The following ABCA13 variants were observed in gnomAD, a reference collection of about 807,000 sequenced individuals.
ABCA13 encodes the protein ATP-binding cassette sub-family A member 13.
ABCA13 carries 476 observed loss-of-function variants against 478.7 expected under a neutral mutation model. That is an observed-to-expected ratio of 0.99 (90% CI 0.92 to 1.07). The LOEUF is 1.07. ABCA13 is among the 50% of genes least tolerant of loss of function. ABCA13 has a pLI of 0.00. For missense variants in ABCA13, 6,060 were observed against 5,910.6 expected (o/e 1.03, Z -0.83); for synonymous variants, 2,252 against 2,158.9 (o/e 1.04, Z -1.20).
At chr7:48,465,528 T>C (rs557973577) in intron 43 of ABCA13, among the ~76,000 whole-genome samples, 67 of 151,596 alleles carry the variant, frequency 4.4e-4, no homozygotes, top group African/African-American at 1.4e-3. Flanking sequence ...TTCTTTCTTT[T>C]TTTTTTTTTT....
chr7:48,201,225 G>C (rs751938460), intron 3 of ABCA13, among the ~76,000 whole-genome samples: 1 of 152,254 alleles, frequency 6.6e-6, no homozygotes, highest in Non-Finnish European at 1.5e-5. Flanking sequence ...GCAAAGGCGT[G>C]TCTAAACTAC....
At chr7:48,485,627 T>C (rs999468560) in intron 47 of ABCA13, among the ~76,000 whole-genome samples, 11 of 152,194 alleles carry the variant, frequency 7.2e-5, no homozygotes, top group African/African-American at 2.7e-4. Context: ...CATTTTAAAA[T>C]CTGTTCCTTG....
intron 43 of ABCA13, among the ~76,000 whole-genome samples, chr7:48,463,645 C>T (rs1826517704): frequency 1.3e-5 from 2 of 152,058 alleles, no homozygotes; most frequent in African/African-American, 4.8e-5. Flanking sequence ...CCCATAGAGC[C>T]CAAGACCTCA....
chr7:48,578,737 T>C (rs867705197), intron 55 of ABCA13, among the ~76,000 whole-genome samples: 2 of 152,184 alleles, frequency 1.3e-5, no homozygotes, highest in African/African-American at 4.8e-5. Context: ...AGATCCATGA[T>C]AGGCAACACA....
intron 44 of ABCA13, among the ~76,000 whole-genome samples, chr7:48,469,333 A>G (rs1327995309): frequency 6.6e-6 from 1 of 152,140 alleles, no homozygotes; most frequent in Non-Finnish European, 1.5e-5. Flanking sequence ...GGGGCCTGTA[A>G]AGAGGAAAGT....
chr7:48,438,471 A>T (rs762282546), intron 42 of ABCA13, among the ~76,000 whole-genome samples: 1 of 151,848 alleles, frequency 6.6e-6, no homozygotes, highest in African/African-American at 2.4e-5. Context: ...ATGTCACTCT[A>T]TCCTCTTAAT....
chr7:48,272,627 C>T lies in ABCA13; in HGVS notation c.2961C>T (p.Phe987=). Residue 987 remains phenylalanine, a synonymous_variant, in exon 17 of 62, where the codon TTC becomes TTT. Transcript: ENST00000435803. The part of the protein sequence containing the change: ...NIQSRGSSLT[F]LTQISKHILD... The stretch of plus-strand genomic sequence containing the variant: ...AGAGTAGAGGCTCTTCGTTGACTTT[C>T]CTTACACAAATCTCAAAACACATTT... 1.2e-6 allele frequency: 2 copies of T among 1,613,052 alleles called. No homozygotes were observed. Among genetic ancestry groups the T allele is most frequent in the East Asian group, 4.5e-5 (2 of 44,854 alleles).
At chr7:48,342,731 C>A (rs939514733) in intron 29 of ABCA13, among the ~76,000 whole-genome samples, 3 of 152,108 alleles carry the variant, frequency 2.0e-5, no homozygotes, top group African/African-American at 7.2e-5. Flanking sequence ...TCACAGTGTT[C>A]AATGCTTCTT....
In ABCA13 at chr7:48,245,945, G is replaced by T; in HGVS notation, c.1574G>T (p.Trp525Leu). The change falls in exon 13 of 62, where the codon TGG (tryptophan) becomes TTG (leucine). Residue 525 changes from tryptophan to leucine, a missense_variant. Physicochemically the swap from Trp to Leu is moderately conservative, Grantham distance 61 (BLOSUM62 -2). Around this residue, in one of 3 missense-constraint regions of ABCA13, gnomAD observed 4,423 missense variants for 4,309.1 expected, o/e 1.03. Transcript: ENST00000435803. ...VFLPPGNSSI[W>L]GGLQGLLCYC... The stretch of plus-strand genomic sequence containing the variant: ...TTGCCGCCTGGAAACTCCAGCATAT[G>T]GGGTGGTCTCCAGGGACTGTTGTGC... 1.2e-6 allele frequency: 2 copies of T among 1,613,840 alleles called. No individual in the cohort carries two copies. Among genetic ancestry groups the T allele is most frequent in the Non-Finnish European group, 8.5e-7 (1 of 1,179,824 alleles).
chr7:48,273,145 C>G lies in ABCA13; in HGVS notation c.3479C>G (p.Thr1160Ser). The change falls in exon 17 of 62, where the codon ACC (threonine) becomes AGC (serine). Residue 1160 changes from threonine (T) to serine (S), a missense_variant. This residue lies in a region of ABCA13 where 4,423 missense variants were observed against 4,309.1 expected (regional missense o/e 1.03). Transcript: ENST00000435803. ...CAAATGTGGACTGAAATCTGGGAAA[C>G]CATATCTCAATTATTTAAGTTTGAC... The part of the protein sequence containing the change: ...WLQMWTEIWE[T>S]ISQLFKFDMN... 6.2e-7 allele frequency: 1 copy of G among 1,613,676 alleles called. No homozygotes were observed. Among genetic ancestry groups the G allele is most frequent in the Admixed American group, 1.7e-5 (1 of 59,980 alleles).
At chr7:48,324,341 C>T (rs559407693) in intron 27 of ABCA13, among the ~76,000 whole-genome samples, 2 of 152,226 alleles carry the variant, frequency 1.3e-5, no homozygotes, top group Non-Finnish European at 2.9e-5. Context: ...GGATTAGAGT[C>T]CACCCCAATG....
chr7:48,307,436 A>C (rs565345522), intron 23 of ABCA13, among the ~76,000 whole-genome samples: 1 of 152,208 alleles, frequency 6.6e-6, no homozygotes, highest in East Asian at 1.9e-4. Context: ...AAAATATGGT[A>C]TAAAAGATAA....
intron 27 of ABCA13, among the ~76,000 whole-genome samples, chr7:48,329,792 C>T (rs887985898): frequency 8.7e-5 from 13 of 148,842 alleles, no homozygotes; most frequent in Admixed American, 6.7e-5. Context: ...CGTCTATCCA[C>T]CCATCCACCC....
Position 48,352,435 on chromosome 7 carries a change from G to T in ABCA13, c.10636G>T (p.Glu3546Ter). 6.2e-7 allele frequency: 1 copy of T among 1,613,034 alleles called. No homozygotes were observed. The highest frequency in any genetic ancestry group is 8.5e-7 in the Non-Finnish European group (1 of 1,179,556). The change falls in exon 31 of 62, where the codon GAA becomes TAA. Residue 3546 changes from glutamate (E) to a stop codon, truncating the protein, a stop_gained. Coordinates refer to ENST00000435803, the MANE Select transcript of ABCA13 (RefSeq NM_152701.5). LOFTEE classifies it high-confidence loss of function. Reference protein sequence around the residue: ...ILVQTGQEALEPAAQTQAAPY... With the variant: ...ILVQTGQEAL ...GGTGCAGACTGGGCAGGAAGCCCTG[G>T]AACCAGCAGCACAGACTCAGGCGGC...
chr7:48,634,871 G>C (rs904118761), intron 59 of ABCA13, among the ~76,000 whole-genome samples: 1 of 152,036 alleles, frequency 6.6e-6, no homozygotes, highest in African/African-American at 2.4e-5. Flanking sequence ...AGTAACTTGG[G>C]ATTGCTTCTG....
At chr7:48,202,316 G>T (rs950349385) in intron 3 of ABCA13, among the ~76,000 whole-genome samples, 1 of 152,108 alleles carries the variant, frequency 6.6e-6, no homozygotes, top group African/African-American at 2.4e-5. Context: ...AGACACAAAG[G>T]TTCTCCACGT....
chr7:48,208,655 T>C (rs531946166), intron 3 of ABCA13, among the ~76,000 whole-genome samples: 20 of 152,286 alleles, frequency 1.3e-4, no homozygotes, highest in Non-Finnish European at 2.5e-4. Context: ...TTTGTTAATT[T>C]TGTATCCTGC....
chr7:48,372,515 T>TAAAAAA lies in ABCA13; in HGVS notation c.11133+31_11133+36dup. ...CATTTCTGGTAAGTAAGTTGTTTTG[T>TAAAAAA]AAAAAAAAAAAAAAAAAACAACAAA... On this transcript the variant is annotated intron_variant, in intron 33 of 61. Transcript: ENST00000435803. 1 of 1,193,888 alleles carries TAAAAAA rather than the reference T, an allele frequency of 8.4e-7. No individual in the cohort carries two copies. Among genetic ancestry groups the TAAAAAA allele is most frequent in the Non-Finnish European group, 1.1e-6 (1 of 896,390 alleles). The allele number at this position is 1,193,888 out of a possible 1,614,324, so 74.0% of individuals were successfully genotyped here. A position where few individuals can be genotyped will look rare whatever the true frequency, so the allele number is the denominator to read the frequency against.
intron 41 of ABCA13, among the ~76,000 whole-genome samples, chr7:48,418,082 T>C (rs4917134): frequency 0.79 from 120,021 of 151,940 alleles, 48,022 homozygotes; most frequent in South Asian, 0.95. Flanking sequence ...TATCTATTCA[T>C]CTACTGAAAG....
Sources: allele counts gnomAD v4.1 joint callset (sites outside exome capture counted in the v4.1 genomes callset), GRCh38; gene constraint gnomAD v4.1.1; regional missense constraint gnomAD v4.1.1; transcripts MANE v1.5; gene names NCBI Gene and HGNC (gene_info 2026-07-23, HGNC 2026-07-21).